Variants in PTPRM observed in about 807,000 individuals in gnomAD.
PTPRM encodes the protein protein tyrosine phosphatase receptor type M, also known as receptor-type tyrosine-protein phosphatase mu.
Under a neutral mutation model 186.7 loss-of-function variants are expected in PTPRM, and 47 were observed. That is an observed-to-expected ratio of 0.25 (90% CI 0.20 to 0.32). PTPRM has a LOEUF of 0.32. PTPRM is among the 10% of genes least tolerant of loss of function. PTPRM has a pLI of 1.00. For synonymous variants in PTPRM, 668 were observed against 674.9 expected, an observed-to-expected ratio of 0.99 and a Z score of 0.16; for missense variants, 1,494 against 1,865.0, an observed-to-expected ratio of 0.80 and a Z score of 3.66.
intron 2 of PTPRM, among the ~76,000 whole-genome samples, chr18:7,868,166 C>T (rs972502788): frequency 6.6e-6 from 1 of 152,002 alleles, no homozygotes; most frequent in African/African-American, 2.4e-5. Flanking sequence ...CGGAGGAGTT[C>T]GTTATTACCC....
At chr18:8,381,804 C>CTCTATAGAAT (rs2095738290) in intron 29 of PTPRM, among the ~76,000 whole-genome samples, 1 of 152,166 alleles carries the variant, frequency 6.6e-6, no homozygotes, top group African/African-American at 2.4e-5. Context: ...AAGTTGCAGA[C>CTCTATAGAAT]ACTTATAGAA....
chr18:8,015,415 GTCT>G (rs541472511), intron 7 of PTPRM, among the ~76,000 whole-genome samples: 178 of 152,226 alleles, frequency 1.2e-3, no homozygotes, highest in African/African-American at 4.0e-3. Flanking sequence ...ATTAAGTGAA[GTCT>G]TCTTCTCATT....
chr18:7,780,917 G>C (rs1284126269), intron 2 of PTPRM, among the ~76,000 whole-genome samples: 1 of 152,100 alleles, frequency 6.6e-6, no homozygotes, highest in African/African-American at 2.4e-5. Flanking sequence ...TGCTCTGCTG[G>C]AGCTAGGGGT....
chr18:7,922,398 T>G (rs1157467373), intron 4 of PTPRM, among the ~76,000 whole-genome samples: 1 of 152,220 alleles, frequency 6.6e-6, no homozygotes, highest in Admixed American at 6.5e-5. Context: ...GCACTTTCGA[T>G]GTTTCCATTG....
At chr18:7,956,804 T>G (rs1347368408) in intron 7 of PTPRM, among the ~76,000 whole-genome samples, 1 of 152,252 alleles carries the variant, frequency 6.6e-6, no homozygotes, top group Non-Finnish European at 1.5e-5. Flanking sequence ...TACCATTTGT[T>G]GCAATGCAAA....
intron 2 of PTPRM, among the ~76,000 whole-genome samples, chr18:7,784,477 C>T (rs2043005011): frequency 6.6e-6 from 1 of 152,142 alleles, no homozygotes; most frequent in African/African-American, 2.4e-5. Flanking sequence ...CCTTTTATCC[C>T]ACCACCTTAC....
At chr18:7,902,763 G>T (rs117226206) in intron 3 of PTPRM, among the ~76,000 whole-genome samples, 2,519 of 151,290 alleles carry the variant, frequency 0.017, 27 homozygotes, top group South Asian at 0.033. Context: ...CATCCATTCT[G>T]TGACGCGATG....
intron 1 of PTPRM, among the ~76,000 whole-genome samples, chr18:7,578,136 A>T (rs1224286210): frequency 6.6e-6 from 1 of 151,786 alleles, no homozygotes; most frequent in African/African-American, 2.4e-5. Context: ...ACCCTGCAGG[A>T]TGATGATGAT....
At chr18:8,046,646 G>A (rs890411717) in intron 7 of PTPRM, among the ~76,000 whole-genome samples, 6 of 152,090 alleles carry the variant, frequency 3.9e-5, no homozygotes, top group Non-Finnish European at 8.8e-5. Flanking sequence ...TGTGGTTTCC[G>A]TGCTTGAATC....
In PTPRM at chr18:7,704,839, G is replaced by T. The variant is rs560773948; in HGVS notation, c.74-69310G>T. Among the ~76,000 whole-genome samples the T allele has an allele frequency of 5.9e-4, 89 of 152,136 alleles. 1 individual carries two copies. The South Asian group carries it at 0.018, about 30-fold the overall frequency. On this transcript the variant is annotated intron_variant, in intron 1 of 32. Transcript: ENST00000580170. ...CTGAGAAAGATTGAAAAATATAGTA[G>T]ACAATCTTGTTGACAAGAATCTTGG...
chr18:7,657,448 C>T (rs79994425), intron 1 of PTPRM, among the ~76,000 whole-genome samples: 2,056 of 152,308 alleles, frequency 0.013, 45 homozygotes, highest in African/African-American at 0.047. Flanking sequence ...CAGTTGGTGC[C>T]ATTTAACAGT....
rs374229238 is a variant in PTPRM, at chr18:7,905,428, G to A, written c.469-1077G>A. Among the ~76,000 whole-genome samples the A allele has an allele frequency of 9.9e-4, 151 of 152,242 alleles. 3 individuals carry two copies. The South Asian group carries it at 0.028, about 29-fold the overall frequency. ...CTCCAATTATCAAGGAAGAGCTAAC[G>A]CCCTCTTGATTTTGCCACTGTGGAC... is the stretch of plus-strand genomic sequence containing the variant. On this transcript the variant is annotated intron_variant, in intron 3 of 32. Transcript: ENST00000580170.
intron 14 of PTPRM, among the ~76,000 whole-genome samples, chr18:8,217,913 G>A (rs748466152): frequency 2.4e-4 from 36 of 151,690 alleles, no homozygotes; most frequent in Admixed American, 3.9e-4. Flanking sequence ...CCATAGTATC[G>A]CGTTGTATTT....
chr18:7,821,795 G>C (rs1351828536), intron 2 of PTPRM, among the ~76,000 whole-genome samples: 2 of 152,292 alleles, frequency 1.3e-5, no homozygotes, highest in East Asian at 3.9e-4. Context: ...GGGCAGGGCA[G>C]GTGGTATCTA....
chr18:7,849,815 C>G (rs946098590), intron 2 of PTPRM, among the ~76,000 whole-genome samples: 1 of 152,136 alleles, frequency 6.6e-6, no homozygotes, highest in South Asian at 2.1e-4. Flanking sequence ...CAGAAGTGAG[C>G]AACTCCAGAA....
chr18:7,926,308 G>A (rs1038852901), intron 4 of PTPRM, among the ~76,000 whole-genome samples: 6 of 152,096 alleles, frequency 3.9e-5, no homozygotes, highest in Admixed American at 3.3e-4. Flanking sequence ...TGCACAGCAG[G>A]AACAATAAAA....
intron 20 of PTPRM, among the ~76,000 whole-genome samples, chr18:8,308,695 G>A (rs2095245035): frequency 6.6e-6 from 1 of 152,174 alleles, no homozygotes; most frequent in Non-Finnish European, 1.5e-5. Flanking sequence ...TACAGATCTA[G>A]ACAATATAGT....
intron 1 of PTPRM, among the ~76,000 whole-genome samples, chr18:7,607,404 C>T (rs1366113580): frequency 3.8e-4 from 3 of 7,838 alleles, no homozygotes; most frequent in African/African-American, 1.6e-3. Context: ...CTCTTCTGCA[C>T]ATCTCTCCTC....
chr18:7,824,337 A>C (rs1442150789), intron 2 of PTPRM, among the ~76,000 whole-genome samples: 2 of 152,122 alleles, frequency 1.3e-5, no homozygotes, highest in Non-Finnish European at 1.5e-5. Flanking sequence ...CGCACCAGTC[A>C]TGGTGGGGAC....
Sources: gnomAD v4.1 joint callset for allele counts (sites outside exome capture counted in the v4.1 genomes callset) on GRCh38, gnomAD v4.1.1 for gene constraint, MANE v1.5 for transcripts, NCBI Gene and HGNC (gene_info 2026-07-23, HGNC 2026-07-21) for gene names.